The following NTRK2 variants were observed in gnomAD, a reference collection of about 807,000 sequenced individuals.
NTRK2 encodes the protein BDNF/NT-3 growth factors receptor.
Under a neutral mutation model 94.5 loss-of-function variants are expected in NTRK2, and 13 were observed. The observed-to-expected ratio is 0.14, with a 90% CI of 0.09 to 0.22. The LOEUF (loss-of-function observed/expected upper bound fraction) is 0.22. Ranked by LOEUF, NTRK2 falls within the 10% of genes least tolerant of loss-of-function variation. The probability of loss-of-function intolerance (pLI) is 1.00; values close to 1 mark genes in which losing one functional copy is unlikely to be tolerated. For missense variants in NTRK2, 639 were observed against 1,071.2 expected, an observed-to-expected ratio of 0.60 and a Z score of 5.63; for synonymous variants, 372 against 407.4, an observed-to-expected ratio of 0.91 and a Z score of 1.05.
At chr9:84,766,893 C>T (rs981652392) in intron 12 of NTRK2, among the ~76,000 whole-genome samples, 1 of 151,974 alleles carries the variant, frequency 6.6e-6, no homozygotes, top group Non-Finnish European at 1.5e-5. Flanking sequence ...ACACACAAGA[C>T]CCACATGTAT....
At chr9:84,734,302 A>C (rs979099651) in intron 9 of NTRK2, among the ~76,000 whole-genome samples, 1 of 152,228 alleles carries the variant, frequency 6.6e-6, no homozygotes, top group Non-Finnish European at 1.5e-5. Flanking sequence ...GGCATTGAGA[A>C]TATGATAAAG....
At chr9:84,827,020 A>G (rs1487999391) in intron 12 of NTRK2, among the ~76,000 whole-genome samples, 1 of 152,212 alleles carries the variant, frequency 6.6e-6, no homozygotes, top group African/African-American at 2.4e-5. Context: ...AGGGTGAATG[A>G]TGATGATGGT....
chr9:84,811,037 A>G, intron 12 of NTRK2: 1 of 1,081,810 alleles, frequency 9.2e-7, no homozygotes, highest in Non-Finnish European at 1.1e-6. Flanking sequence ...AGTCTAATCT[A>G]CATGTAACAC....
At chr9:84,844,411 G>A (rs1005775309) in intron 12 of NTRK2, among the ~76,000 whole-genome samples, 1 of 152,104 alleles carries the variant, frequency 6.6e-6, no homozygotes. Flanking sequence ...GAGAATTTTT[G>A]TAAGGGGAGG....
At chr9:84,987,057 C>A (rs927701285) in intron 17 of NTRK2, among the ~76,000 whole-genome samples, 2 of 152,160 alleles carry the variant, frequency 1.3e-5, no homozygotes, top group African/African-American at 2.4e-5. Context: ...TAAATGGGAT[C>A]ATATATTTGA....
At chr9:84,950,410 T>A (rs1267728547) in intron 16 of NTRK2, among the ~76,000 whole-genome samples, 1 of 152,056 alleles carries the variant, frequency 6.6e-6, no homozygotes, top group Non-Finnish European at 1.5e-5. Context: ...GCAAATACAT[T>A]ATCATGAACC....
Position 85,022,833 on chromosome 9 carries a change from C to T in NTRK2, c.*1396C>T, listed in dbSNP as rs1022521018. On this transcript the variant is annotated 3_prime_UTR_variant, in exon 19 of 19. Coordinates refer to ENST00000277120, the MANE Select transcript of NTRK2 (RefSeq NM_006180.6). ...ATATGGACCCTGAAGCCTGGAAATC[C>T]TCATCCACGTCGAACCCACAGGACT... 8.6e-6 allele frequency: 2 copies of T among 233,204 alleles called. No homozygotes were observed. Among genetic ancestry groups the T allele is most frequent in the Non-Finnish European group, 1.7e-5 (2 of 118,042 alleles). The allele number at this position is 233,204 out of a possible 1,614,324, so 14.4% of individuals were successfully genotyped here.
At chr9:84,777,834 C>CT (rs1207062886) in intron 12 of NTRK2, among the ~76,000 whole-genome samples, 2 of 152,134 alleles carry the variant, frequency 1.3e-5, no homozygotes, top group Admixed American at 6.5e-5. Flanking sequence ...TGTAGAAACT[C>CT]TTTTTTGCAA....
chr9:84,992,796 C>T (rs1829253264), intron 17 of NTRK2, among the ~76,000 whole-genome samples: 1 of 151,896 alleles, frequency 6.6e-6, no homozygotes, highest in Non-Finnish European at 1.5e-5. Context: ...TATCACTATG[C>T]TTATATATGT....
At chr9:84,790,891 A>G (rs2068658081) in intron 12 of NTRK2, among the ~76,000 whole-genome samples, 2 of 152,198 alleles carry the variant, frequency 1.3e-5, no homozygotes, top group Non-Finnish European at 2.9e-5. Context: ...ATTTTAAAGA[A>G]CATTATTCAA....
chr9:84,939,464 A>C (rs916216584), intron 15 of NTRK2, among the ~76,000 whole-genome samples: 14 of 152,180 alleles, frequency 9.2e-5, no homozygotes, highest in African/African-American at 3.4e-4. Context: ...GGTGAACCAG[A>C]TTGAGGAAAT....
intron 10 of NTRK2, among the ~76,000 whole-genome samples, chr9:84,742,903 C>T (rs866860365): frequency 5.5e-5 from 8 of 146,586 alleles, no homozygotes; most frequent in South Asian, 2.2e-4. Flanking sequence ...CGAGTTCAAG[C>T]GATTCTCCTG....
At chr9:84,873,533 T>C in intron 14 of NTRK2, 1 of 1,057,128 alleles carries the variant, frequency 9.5e-7, no homozygotes, top group Non-Finnish European at 1.1e-6. Flanking sequence ...AACAATTTGA[T>C]ATCATATTCC....
Position 84,690,736 on chromosome 9 carries a change from A to T in NTRK2, c.213-11423A>T, listed in dbSNP as rs146706602. Among the ~76,000 whole-genome samples, 20 of 152,148 alleles carry T rather than the reference A, an allele frequency of 1.3e-4. No homozygotes were observed. The East Asian group carries it at 3.7e-3, about 28-fold the overall frequency. ...TCCATCTCAAAAAAAAAAATAAAAAAAATGATAATTTATATGTTAGATTGA... is the reference window on the plus strand; with the variant it reads ...TCCATCTCAAAAAAAAAAATAAAAATAATGATAATTTATATGTTAGATTGA... On this transcript the variant is annotated intron_variant, in intron 2 of 18. Transcript: ENST00000277120.
chr9:84,676,418 A>G (rs186777521), intron 2 of NTRK2, among the ~76,000 whole-genome samples: 1 of 152,280 alleles, frequency 6.6e-6, no homozygotes, highest in Non-Finnish European at 1.5e-5. Context: ...GTCTTTTTAA[A>G]TGTGAGCTGC....
At chr9:84,959,163 C>T (rs1236391666) in intron 17 of NTRK2, among the ~76,000 whole-genome samples, 1 of 152,186 alleles carries the variant, frequency 6.6e-6, no homozygotes, top group African/African-American at 2.4e-5. Context: ...TTATCCCTAT[C>T]CTCTTCAACA....
chr9:84,918,231 G>T (rs374816250), intron 14 of NTRK2, among the ~76,000 whole-genome samples: 8 of 152,172 alleles, frequency 5.3e-5, no homozygotes, highest in Non-Finnish European at 7.3e-5. Flanking sequence ...CTCCAACAGC[G>T]CCAAGCAATC....
At chr9:84,824,931 C>T (rs2073086793) in intron 12 of NTRK2, among the ~76,000 whole-genome samples, 1 of 151,800 alleles carries the variant, frequency 6.6e-6, no homozygotes, top group African/African-American at 2.4e-5. Context: ...ACAGAAGCTA[C>T]AGCACCATCT....
chr9:84,703,573 A>G (rs1400093956), intron 4 of NTRK2, among the ~76,000 whole-genome samples: 1 of 152,186 alleles, frequency 6.6e-6, no homozygotes, highest in African/African-American at 2.4e-5. Flanking sequence ...ACTGATTTCC[A>G]TGCCAGTTAT....
Sources: gnomAD v4.1 joint callset for allele counts (sites outside exome capture counted in the v4.1 genomes callset) on GRCh38, gnomAD v4.1.1 for gene constraint, MANE v1.5 for transcripts, NCBI Gene and HGNC (gene_info 2026-07-23, HGNC 2026-07-21) for gene names.